MDGA2: variants seen among roughly 807,000 people sequenced by gnomAD.
MDGA2 encodes MAM domain containing glycosylphosphatidylinositol anchor 2, also known as MAM domain-containing glycosylphosphatidylinositol anchor protein 2.
MDGA2 carries 40 observed loss-of-function variants against 117.8 expected under a neutral mutation model. The observed-to-expected ratio is 0.34, with a 90% CI of 0.26 to 0.44. The LOEUF is 0.44. Ranked by LOEUF, MDGA2 falls within the 20% of genes least tolerant of loss-of-function variation. The pLI, the probability that MDGA2 is intolerant of heterozygous loss-of-function variation, is 1.00. For missense variants in MDGA2, 1,123 were observed against 1,250.6 expected (o/e 0.90, Z 1.54); for synonymous variants, 452 against 439.0 (o/e 1.03, Z -0.37).
intron 6 of MDGA2, among the ~76,000 whole-genome samples, chr14:47,072,847 A>T (rs1467931724): frequency 1.3e-5 from 2 of 152,208 alleles, no homozygotes; most frequent in African/African-American, 4.8e-5. Flanking sequence ...ATATTAAGGC[A>T]CAAACTAAAA....
intron 1 of MDGA2, among the ~76,000 whole-genome samples, chr14:47,302,688 T>C (rs1006122257): frequency 1.3e-5 from 2 of 152,128 alleles, no homozygotes; most frequent in Non-Finnish European, 2.9e-5. Context: ...AAAAAGATTA[T>C]AAGGCCAACT....
At chr14:47,025,975 G>A (rs773793595) in intron 8 of MDGA2, among the ~76,000 whole-genome samples, 21 of 152,124 alleles carry the variant, frequency 1.4e-4, no homozygotes, top group East Asian at 7.7e-4. Context: ...TAGTAGTCCC[G>A]CAAGTTTAAA....
chr14:46,860,077 T>C (rs1881448742), intron 14 of MDGA2, among the ~76,000 whole-genome samples: 1 of 152,064 alleles, frequency 6.6e-6, no homozygotes. Flanking sequence ...TAAGACCACA[T>C]GTATGCATAT....
At chr14:46,972,174 T>C (rs1886295638) in intron 8 of MDGA2, among the ~76,000 whole-genome samples, 1 of 152,104 alleles carries the variant, frequency 6.6e-6, no homozygotes, top group African/African-American at 2.4e-5. Context: ...CTTTAACTTG[T>C]AGGATGTATG....
intron 3 of MDGA2, among the ~76,000 whole-genome samples, chr14:47,166,259 C>T (rs1566660144): frequency 6.6e-6 from 1 of 152,070 alleles, no homozygotes; most frequent in Non-Finnish European, 1.5e-5. Context: ...TGGTATTGAT[C>T]TCTAGACCTC....
chr14:46,856,342 A>G (rs888966210), intron 14 of MDGA2, among the ~76,000 whole-genome samples: 22 of 152,096 alleles, frequency 1.4e-4, no homozygotes, highest in African/African-American at 5.3e-4. Context: ...AATGTCTACT[A>G]TAATGTTAGT....
At chr14:46,928,623 C>G (rs1042655258) in intron 9 of MDGA2, among the ~76,000 whole-genome samples, 1 of 152,132 alleles carries the variant, frequency 6.6e-6, no homozygotes, top group Non-Finnish European at 1.5e-5. Context: ...ATGCCAATAA[C>G]TGAATGTTTC....
intron 8 of MDGA2, among the ~76,000 whole-genome samples, chr14:46,986,635 G>A (rs546869273): frequency 3.6e-4 from 55 of 152,046 alleles, no homozygotes; most frequent in Non-Finnish European, 7.4e-4. Flanking sequence ...ATGTCTTAAG[G>A]AAATTAGTTT....
chr14:47,385,647 C>G (rs187955907), intron 1 of MDGA2, among the ~76,000 whole-genome samples: 1 of 152,244 alleles, frequency 6.6e-6, no homozygotes, highest in African/African-American at 2.4e-5. Flanking sequence ...CTCTTTCCAT[C>G]TTCCTTCCTC....
At chr14:47,601,676 T>C (rs1363229916) in intron 1 of MDGA2, among the ~76,000 whole-genome samples, 2 of 152,158 alleles carry the variant, frequency 1.3e-5, no homozygotes, top group Non-Finnish European at 2.9e-5. Context: ...AACTAAAATG[T>C]TGTTCCTAAA....
chr14:47,303,372 A>G (rs1352679564), intron 1 of MDGA2, among the ~76,000 whole-genome samples: 9 of 152,192 alleles, frequency 5.9e-5, no homozygotes. Context: ...AGCTTGGTCT[A>G]TAAAACCAAT....
intron 1 of MDGA2, among the ~76,000 whole-genome samples, chr14:47,302,631 T>C (rs901555258): frequency 6.6e-6 from 1 of 151,994 alleles, no homozygotes; most frequent in African/African-American, 2.4e-5. Flanking sequence ...TTAAAGACAA[T>C]GAATCTTATA....
chr14:47,440,381 C>A (rs1334832656), intron 1 of MDGA2, among the ~76,000 whole-genome samples: 1 of 152,132 alleles, frequency 6.6e-6, no homozygotes, highest in Non-Finnish European at 1.5e-5. Flanking sequence ...TCCTTACTTG[C>A]TGTCCTTCCC....
intron 5 of MDGA2, 61 bp downstream of exon 5, chr14:47,131,649 TAAAG>T: frequency 7.6e-7 from 1 of 1,321,774 alleles, no homozygotes; most frequent in Middle Eastern, 2.4e-4. Context: ...TTAAAAAAGT[TAAAG>T]AGAGTTTTTA....
chr14:47,191,993 T>C (rs1885129173), intron 3 of MDGA2, among the ~76,000 whole-genome samples: 1 of 152,122 alleles, frequency 6.6e-6, no homozygotes, highest in South Asian at 2.1e-4. Context: ...GTGAGCATAC[T>C]GGAGAAAACA....
chr14:47,322,165 G>A (rs1027069589), intron 1 of MDGA2, among the ~76,000 whole-genome samples: 1 of 152,112 alleles, frequency 6.6e-6, no homozygotes, highest in African/African-American at 2.4e-5. Flanking sequence ...CCTATCAGTG[G>A]AGAAACAGAC....
intron 1 of MDGA2, among the ~76,000 whole-genome samples, chr14:47,373,233 T>A (rs2074617578): frequency 6.6e-6 from 1 of 152,048 alleles, no homozygotes; most frequent in Non-Finnish European, 1.5e-5. Flanking sequence ...TTCATTCAAT[T>A]AGCTTTGGGA....
chr14:47,513,297 GAACA>G (rs1894681317), intron 1 of MDGA2, among the ~76,000 whole-genome samples: 1 of 152,046 alleles, frequency 6.6e-6, no homozygotes, highest in Non-Finnish European at 1.5e-5. Context: ...ATACTGTAGT[GAACA>G]AAGCAGTAAT....
chr14:47,600,359 G>A (rs1359332498), intron 1 of MDGA2, among the ~76,000 whole-genome samples: 6 of 151,928 alleles, frequency 3.9e-5, no homozygotes, highest in South Asian at 2.1e-4. Context: ...ACTTGAATCC[G>A]GGAGACAGAG....
Sources: allele counts gnomAD v4.1 joint callset (sites outside exome capture counted in the v4.1 genomes callset), GRCh38; gene constraint gnomAD v4.1.1; transcripts MANE v1.5; gene names NCBI Gene and HGNC (gene_info 2026-07-23, HGNC 2026-07-21).